Variants in FCRL5 observed in about 807,000 individuals in gnomAD.
FCRL5 encodes Fc receptor-like protein 5.
Under a neutral mutation model 92.1 loss-of-function variants are expected in FCRL5, and 79 were observed. The ratio of observed to expected loss-of-function variants is 0.86; its 90% CI spans 0.72 to 1.03. The LOEUF is 1.03. Among genes scored for constraint, FCRL5 ranks in the 50% least tolerant of loss-of-function variants. FCRL5 has a pLI of 0.00. For missense variants in FCRL5, 1,160 were observed against 1,181.1 expected (o/e 0.98, Z 0.26); for synonymous variants, 466 against 469.3 (o/e 0.99, Z 0.09).
intron 8 of FCRL5, among the ~76,000 whole-genome samples, chr1:157,530,429 C>T (rs1411340232): frequency 2.0e-5 from 3 of 152,180 alleles, no homozygotes; most frequent in African/African-American, 2.4e-5. Flanking sequence ...TGCAATGGCG[C>T]GATCTTGGCT....
chr1:157,520,368 G>T, intron 12 of FCRL5, 63 bp downstream of exon 12: 2 of 1,187,060 alleles, frequency 1.7e-6, no homozygotes, highest in East Asian at 2.5e-5. Context: ...GCAGCATGAA[G>T]CCCAAGGGAG....
chr1:157,552,417 A>G lies in FCRL5; in HGVS notation c.-55T>C, dbSNP rs545373506. 1.9e-6 allele frequency: 3 copies of G among 1,600,666 alleles called. No homozygotes were observed. The highest frequency in any genetic ancestry group is 2.6e-6 in the Non-Finnish European group (3 of 1,167,870). ...AAAAGAGAAGTTTCCTCAATTCCAAAACAGGTTTGGACTTGATCTTACAGT... is the reference window on the plus strand; with the variant it reads ...AAAAGAGAAGTTTCCTCAATTCCAAGACAGGTTTGGACTTGATCTTACAGT... On this transcript the variant is annotated 5_prime_UTR_variant, in exon 1 of 17. Coordinates refer to ENST00000361835, the MANE Select transcript of FCRL5 (RefSeq NM_031281.3).
chr1:157,518,341 T>C, intron 15 of FCRL5, 88 bp downstream of exon 15: 1 of 1,171,670 alleles, frequency 8.5e-7, no homozygotes, highest in Non-Finnish European at 1.3e-6. Flanking sequence ...TCTATGCCTG[T>C]CTGGCTCAGA....
intron 12 of FCRL5, 50 bp downstream of exon 12, chr1:157,520,381 T>A: frequency 7.5e-7 from 1 of 1,337,200 alleles, no homozygotes; most frequent in Non-Finnish European, 1.1e-6. Context: ...CAAGGGAGCG[T>A]TGCTGGGAAG....
At position 157,519,859 on chromosome 1, in the gene FCRL5, A is replaced by T. The variant is rs148190057; in HGVS notation, c.2633-89T>A. The T allele has an allele frequency of 2.2e-6, 3 of 1,363,986 alleles. No individual in the cohort carries two copies. The East Asian group carries it at 6.9e-5, about 31-fold the overall frequency. The allele number at this position is 1,363,986 out of a possible 1,614,324, so 84.5% of individuals were successfully genotyped here. Reference sequence around the variant, plus strand: ...AGGCAAGGCTCACTTAGAAACTGCCAGGAGTTGCTGTCACTGAAGGTTGAA... The same window carrying T: ...AGGCAAGGCTCACTTAGAAACTGCCTGGAGTTGCTGTCACTGAAGGTTGAA... On this transcript the variant is annotated intron_variant, in intron 12 of 16. Coordinates refer to ENST00000361835, the MANE Select transcript of FCRL5 (RefSeq NM_031281.3).
rs1451247633 is a variant in FCRL5 at position 157,547,076 on chromosome 1, G to T, written c.174C>A (p.Tyr58Ter). ...GTATTTCTTTCCCAAGGTACCGATGGTACCATTTTGTTTTCTGTGGTGAGT... is the reference window on the plus strand; with the variant it reads ...GTATTTCTTTCCCAAGGTACCGATGTTACCATTTTGTTTTCTGTGGTGAGT... ...RFYSPQKTKW[Y>*]HRYLGKEILR... The change falls in exon 3 of 17, where the codon TAC becomes TAA. Residue 58 changes from tyrosine (Y) to a stop codon, truncating the protein, a stop_gained. Coordinates refer to ENST00000361835, the MANE Select transcript of FCRL5 (RefSeq NM_031281.3). LOFTEE classifies it high-confidence loss of function. The T allele has an allele frequency of 5.0e-6, 8 of 1,614,066 alleles. No homozygotes were observed. The highest frequency in any genetic ancestry group is 5.9e-6 in the Non-Finnish European group (7 of 1,180,044).
At chr1:157,549,927 A>G (rs1217060637) in intron 1 of FCRL5, among the ~76,000 whole-genome samples, 2 of 152,124 alleles carry the variant, frequency 1.3e-5, no homozygotes, top group Admixed American at 1.3e-4. Flanking sequence ...AAGGGCCACT[A>G]GCCCAGTGTG....
intron 2 of FCRL5, among the ~76,000 whole-genome samples, chr1:157,549,113 T>A (rs1384876191): frequency 6.6e-6 from 1 of 151,862 alleles, no homozygotes; most frequent in Non-Finnish European, 1.5e-5. Flanking sequence ...CCATAAAAAA[T>A]GATGAGTTCA....
intron 6 of FCRL5, among the ~76,000 whole-genome samples, chr1:157,541,562 C>A (rs930137787): frequency 6.6e-6 from 1 of 152,256 alleles, no homozygotes; most frequent in Non-Finnish European, 1.5e-5. Flanking sequence ...CACCACAATC[C>A]TCTTCTCCTG....
At chr1:157,526,294 G>A (rs979152439) in intron 9 of FCRL5, among the ~76,000 whole-genome samples, 7 of 152,150 alleles carry the variant, frequency 4.6e-5, no homozygotes, top group African/African-American at 1.4e-4. Flanking sequence ...GAAGGTCATC[G>A]GTGACCTTTG....
chr1:157,529,715 A>G (rs1246586890), intron 8 of FCRL5, among the ~76,000 whole-genome samples: 1 of 152,218 alleles, frequency 6.6e-6, no homozygotes, highest in Non-Finnish European at 1.5e-5. Flanking sequence ...TAACTCAGGA[A>G]TGGAAAACCA....
Position 157,521,008 on chromosome 1 carries a change from G to C in FCRL5, c.2515+9C>G. On this transcript the variant is annotated intron_variant, in intron 11 of 16. Transcript: ENST00000361835. ...GTCCGCATCTGTGGCCCGGGCACGG[G>C]AAACTTACCTGTGATATAAAGTGTC... 1.1e-5 allele frequency: 18 copies of C among 1,592,854 alleles called. No individual in the cohort carries two copies. Among genetic ancestry groups the C allele is most frequent in the Non-Finnish European group, 1.5e-5 (18 of 1,169,548 alleles).
chr1:157,520,427 C>T lies in FCRL5; in HGVS notation c.2632+4G>A, dbSNP rs1650122444. The T allele has an allele frequency of 1.3e-6, 2 of 1,569,364 alleles. No homozygotes were observed. Among genetic ancestry groups the T allele is most frequent in the Non-Finnish European group, 8.7e-7 (1 of 1,154,446 alleles). On this transcript the variant is annotated splice_donor_region_variant and intron_variant, in intron 12 of 16. Coordinates refer to ENST00000361835, the MANE Select transcript of FCRL5 (RefSeq NM_031281.3). ...CAAGCCAAGGTGTGCCCAGAGTCAC[C>T]CACCTGCTTTTCTCGAGAGCCAGCA...
Position 157,534,312 on chromosome 1 carries a change from T to A in FCRL5, c.1681+302A>T, listed in dbSNP as rs1275728909. ...TAATATGTAAATGTCAGTAGAGAAGTAGGACACGCTCCGTGCATCAAGAAA... is the reference window on the plus strand; with the variant it reads ...TAATATGTAAATGTCAGTAGAGAAGAAGGACACGCTCCGTGCATCAAGAAA... On this transcript the variant is annotated intron_variant, in intron 8 of 16. Coordinates refer to ENST00000361835, the MANE Select transcript of FCRL5 (RefSeq NM_031281.3). The A allele has an allele frequency of 4.3e-6, 3 of 703,490 alleles. No homozygotes were observed. In the East Asian group the frequency reaches 8.1e-5, roughly 19 times the overall value. 43.6% of individuals were successfully genotyped at this position (703,490 alleles called of 1,614,324 possible).
intron 6 of FCRL5, among the ~76,000 whole-genome samples, chr1:157,541,435 T>C (rs1571104294): frequency 6.6e-6 from 1 of 152,270 alleles, no homozygotes; most frequent in African/African-American, 2.4e-5. Context: ...CTTCTAAATA[T>C]GGTCTAAACA....
intron 10 of FCRL5, 49 bp from the exon 11 acceptor site, chr1:157,521,341 G>A (rs776973431): frequency 6.5e-7 from 1 of 1,538,386 alleles, no homozygotes; most frequent in Non-Finnish European, 8.7e-7. Context: ...TAACATATTT[G>A]TAAGAAACAA....
At position 157,552,396 on chromosome 1, in the gene FCRL5, G is replaced by A. The variant is rs1460457633; in HGVS notation, c.-34C>T. 1.2e-6 allele frequency: 2 copies of A among 1,613,694 alleles called. No individual in the cohort carries two copies. The highest frequency in any genetic ancestry group is 8.5e-7 in the Non-Finnish European group (1 of 1,179,666). On this transcript the variant is annotated 5_prime_UTR_variant, in exon 1 of 17. Coordinates refer to ENST00000361835, the MANE Select transcript of FCRL5 (RefSeq NM_031281.3). ...GGACCACCAAGGGCTGAGATCAAAA[G>A]AGAAGTTTCCTCAATTCCAAAACAG... is the stretch of plus-strand genomic sequence containing the variant.
chr1:157,552,462 TC>T lies in FCRL5; in HGVS notation c.-101del. 1 of 1,201,566 alleles carries T rather than the reference TC, an allele frequency of 8.3e-7. No individual in the cohort carries two copies. The highest frequency in any genetic ancestry group is 1.2e-6 in the Non-Finnish European group (1 of 806,270). The allele number at this position is 1,201,566 out of a possible 1,614,324, so 74.4% of individuals were successfully genotyped here. A position where few individuals can be genotyped will look rare whatever the true frequency, so the allele number is the denominator to read the frequency against. On this transcript the variant is annotated 5_prime_UTR_variant, in exon 1 of 17. An upstream open reading frame in the 5' UTR gains an earlier in-frame stop. Transcript: ENST00000361835. ...TACAGTCAGGACACTGCACACCAGC[TC>T]CAAGGAGCACATCTGAGAAGCTGTG...
Position 157,544,905 on chromosome 1 carries a change from C to T in FCRL5, c.485G>A (p.Gly162Asp). The T allele has an allele frequency of 6.2e-7, 1 of 1,614,122 alleles. No homozygotes were observed. ...CTTATATCCAGTACAGCGATATGCA[C>T]CATTGTCCTTGAGACATGCATGAGG... ...HIPHACLKDNGAYRCTGYKES... is the reference protein window; with the variant it reads ...HIPHACLKDNDAYRCTGYKES... Residue 162 changes from glycine to aspartate, a missense_variant, in exon 4 of 17, where the codon GGT becomes GAT. Physicochemically the swap from Gly to Asp is moderately conservative, Grantham distance 94. Coordinates refer to ENST00000361835, the MANE Select transcript of FCRL5 (RefSeq NM_031281.3).
Sources: allele counts gnomAD v4.1 joint callset (sites outside exome capture counted in the v4.1 genomes callset), GRCh38; gene constraint gnomAD v4.1.1; transcripts MANE v1.5; gene names NCBI Gene and HGNC (gene_info 2026-07-23, HGNC 2026-07-21).